DCAF4: variants seen among roughly 807,000 people sequenced by gnomAD.
DCAF4 encodes DDB1- and CUL4-associated factor 4.
DCAF4 carries 37 observed loss-of-function variants against 60.9 expected under a neutral mutation model. The ratio of observed to expected loss-of-function variants is 0.61; its 90% CI spans 0.47 to 0.80. DCAF4 has a LOEUF of 0.80. Ranked by LOEUF, DCAF4 falls within the 30% of genes least tolerant of loss-of-function variation. The pLI, the probability that DCAF4 is intolerant of heterozygous loss-of-function variation, is 0.00. For synonymous variants in DCAF4, 243 were observed against 254.8 expected, an observed-to-expected ratio of 0.95 and a Z score of 0.44; for missense variants, 577 against 650.0, an observed-to-expected ratio of 0.89 and a Z score of 1.22.
intron 1 of DCAF4, among the ~76,000 whole-genome samples, chr14:72,931,570 G>C (rs1333871436): frequency 2.0e-5 from 3 of 152,162 alleles, no homozygotes; most frequent in African/African-American, 7.2e-5. Flanking sequence ...ATGTTGAACA[G>C]ATGTATTGAG....
At chr14:72,954,290 G>C in intron 10 of DCAF4, 28 bp downstream of exon 10, 1 of 1,613,854 alleles carries the variant, frequency 6.2e-7, no homozygotes, top group Non-Finnish European at 8.5e-7. Flanking sequence ...GGTGCCCAGA[G>C]AAGAGGCCTT....
In DCAF4 at chr14:72,943,011, G is replaced by T; in HGVS notation, c.449G>T (p.Arg150Leu). The T allele has an allele frequency of 6.2e-7, 1 of 1,614,144 alleles. No homozygotes were observed. The highest frequency in any genetic ancestry group is 8.5e-7 in the Non-Finnish European group (1 of 1,180,010). ...TTCTGCAGTTTAGCCCACGAGCTGC[G>T]TCTCAGCTGCATGGAGAGGAAAAAG... ...TNYCHLAHELRLSCMERKKVQ... is the reference protein window; with the variant it reads ...TNYCHLAHELLLSCMERKKVQ... The change falls in exon 6 of 14, where the codon CGT becomes CTT. Residue 150 changes from arginine (R) to leucine (L), a missense_variant. Physicochemically the swap from Arg to Leu is moderately radical, Grantham distance 102. Transcript: ENST00000358377.
intron 1 of DCAF4, among the ~76,000 whole-genome samples, chr14:72,935,495 T>C (rs1457289862): frequency 1.3e-5 from 2 of 152,238 alleles, no homozygotes; most frequent in Non-Finnish European, 2.9e-5. Context: ...CCTCAGGTGA[T>C]CCACCCGCAT....
chr14:72,951,625 C>CA (rs375118905), intron 8 of DCAF4, among the ~76,000 whole-genome samples, 173 bp from the exon 9 acceptor site: 36 of 147,440 alleles, frequency 2.4e-4, no homozygotes, highest in East Asian at 5.9e-4. Flanking sequence ...AACAAACAAA[C>CA]AAAAAAAAAA....
At chr14:72,942,932 C>T in intron 5 of DCAF4, 62 bp from the exon 6 acceptor site, 1 of 1,512,808 alleles carries the variant, frequency 6.6e-7, no homozygotes, top group South Asian at 1.2e-5. Context: ...GGCCAGAGAC[C>T]CCCGAATCTT....
At chr14:72,939,068 G>C (rs1307206176) in intron 2 of DCAF4, among the ~76,000 whole-genome samples, 1 of 151,976 alleles carries the variant, frequency 6.6e-6, no homozygotes. Context: ...AATAAAGTTG[G>C]CTGGGCCGGG....
intron 6 of DCAF4, among the ~76,000 whole-genome samples, chr14:72,943,563 AAC>A (rs1412267254): frequency 1.3e-5 from 2 of 151,994 alleles, no homozygotes; most frequent in Non-Finnish European, 2.9e-5. Context: ...ACCTCCCATC[AAC>A]ACACCTCCAT....
chr14:72,944,119 G>C (rs565578738), intron 6 of DCAF4, among the ~76,000 whole-genome samples: 6 of 152,252 alleles, frequency 3.9e-5, no homozygotes, highest in Admixed American at 1.3e-4. Flanking sequence ...GTCTGGTGAT[G>C]CACAGGCCAC....
intron 1 of DCAF4, chr14:72,929,587 T>A: frequency 1.1e-6 from 1 of 949,240 alleles, no homozygotes; most frequent in Non-Finnish European, 1.7e-6. Context: ...GTTCTTTATT[T>A]CAGGAAGAGG....
At chr14:72,928,510 AC>A (rs1371700003) in intron 1 of DCAF4, among the ~76,000 whole-genome samples, 2 of 151,560 alleles carry the variant, frequency 1.3e-5, no homozygotes, top group East Asian at 3.9e-4. Flanking sequence ...ACAGACTCTT[AC>A]AAAATTCCCC....
intron 12 of DCAF4, 73 bp from the exon 13 acceptor site, chr14:72,956,313 C>T (rs1411969487): frequency 1.6e-6 from 2 of 1,245,572 alleles, no homozygotes; most frequent in East Asian, 5.0e-5. Context: ...CCTTGCCTTC[C>T]TGGCTTTGCA....
In DCAF4 at chr14:72,958,825, G is replaced by C. The variant is rs377030472; in HGVS notation, c.*20G>C. 139 of 1,523,764 alleles carry C rather than the reference G, an allele frequency of 9.1e-5. No homozygotes were observed. Among genetic ancestry groups the C allele is most frequent in the Middle Eastern group, 7.1e-4 (4 of 5,640 alleles). The allele number at this position is 1,523,764 out of a possible 1,614,324, so 94.4% of individuals were successfully genotyped here. ...AGCTAATTCTGCAGGGCACAGCCCA[G>C]AGCCATGTGGATTTGACTTACGGGA... On this transcript the variant is annotated 3_prime_UTR_variant, in exon 14 of 14. Coordinates refer to ENST00000358377, the MANE Select transcript of DCAF4 (RefSeq NM_015604.4).
At position 72,955,711 on chromosome 14, in the gene DCAF4, A is replaced by C. The variant is rs1892184242; in HGVS notation, c.1179+15A>C. On this transcript the variant is annotated intron_variant, in intron 12 of 13. Transcript: ENST00000358377. ...TGGCTGGAAAGGTAGGGGATCATGG[A>C]CTTTCTCAGGCCACAGGGTCTCGTG... The C allele has an allele frequency of 6.2e-7, 1 of 1,607,860 alleles. No homozygotes were observed.
intron 11 of DCAF4, among the ~76,000 whole-genome samples, chr14:72,954,902 G>A (rs1239395899): frequency 1.3e-5 from 2 of 152,120 alleles, no homozygotes; most frequent in African/African-American, 4.8e-5. Flanking sequence ...GGATCACAAG[G>A]TCAGGAGTTC....
chr14:72,953,333 T>A (rs1393560210), intron 9 of DCAF4, among the ~76,000 whole-genome samples: 10 of 152,054 alleles, frequency 6.6e-5, no homozygotes, highest in Admixed American at 5.9e-4. Flanking sequence ...GGGTGGTGGG[T>A]ACATGGCTAT....
intron 1 of DCAF4, among the ~76,000 whole-genome samples, chr14:72,932,566 AG>A (rs1298993545): frequency 6.6e-6 from 1 of 152,240 alleles, no homozygotes; most frequent in East Asian, 1.9e-4. Context: ...GGTACTTAAA[AG>A]TTTCTCTGAA....
chr14:72,945,816 A>G, intron 6 of DCAF4, 68 bp from the exon 7 acceptor site: 5 of 1,595,786 alleles, frequency 3.1e-6, no homozygotes, highest in Non-Finnish European at 4.3e-6. Context: ...AGAGACGGGC[A>G]GGTCCCTCTT....
At chr14:72,950,538 G>C (rs745835278) in intron 8 of DCAF4, among the ~76,000 whole-genome samples, 1 of 152,132 alleles carries the variant, frequency 6.6e-6, no homozygotes, top group Non-Finnish European at 1.5e-5. Context: ...AAGGGAATGA[G>C]AATAAATACA....
In DCAF4 at chr14:72,958,682, G is replaced by C. The variant is rs199670209; in HGVS notation, c.1365G>C (p.Pro455=). 1.9e-6 allele frequency: 3 copies of C among 1,614,134 alleles called. No individual in the cohort carries two copies. Among genetic ancestry groups the C allele is most frequent in the African/African-American group, 1.3e-5 (1 of 75,040 alleles). The change falls in exon 14 of 14, where the codon CCG becomes CCC. Residue 455 remains proline, a synonymous_variant. Transcript: ENST00000358377. ...DARLLRTIPS[P]YPASKADIPS... ...GCCTACTGAGAACCATACCCTCCCC[G>C]TACCCTGCCTCCAAGGCCGACATTC...
Sources: allele counts gnomAD v4.1 joint callset (sites outside exome capture counted in the v4.1 genomes callset), GRCh38; gene constraint gnomAD v4.1.1; transcripts MANE v1.5; gene names NCBI Gene and HGNC (gene_info 2026-07-23, HGNC 2026-07-21).